The following HDAC9 variants were observed in gnomAD, a reference collection of about 807,000 sequenced individuals.
The protein encoded by HDAC9 is MEF-2 interacting transcription repressor (MITR) protein.
Under a neutral mutation model 139.4 loss-of-function variants are expected in HDAC9, and 41 were observed. The ratio of observed to expected loss-of-function variants is 0.29; its 90% CI spans 0.23 to 0.38. The LOEUF (loss-of-function observed/expected upper bound fraction) is 0.38. Among genes scored for constraint, HDAC9 ranks in the 10% least tolerant of loss-of-function variants. HDAC9 has a pLI of 1.00. For missense variants in HDAC9, 1,147 were observed against 1,297.0 expected (o/e 0.88, Z 1.78); for synonymous variants, 517 against 476.2 (o/e 1.09, Z -1.12).
At chr7:18,872,179 A>G (rs1798970290) in intron 21 of HDAC9, among the ~76,000 whole-genome samples, 1 of 152,172 alleles carries the variant, frequency 6.6e-6, no homozygotes, top group Admixed American at 6.5e-5. Context: ...AAAGGATTCT[A>G]TCAGGTGATG....
chr7:18,622,744 T>C (rs995336046), intron 6 of HDAC9, among the ~76,000 whole-genome samples: 3 of 152,188 alleles, frequency 2.0e-5, no homozygotes, highest in Non-Finnish European at 4.4e-5. Flanking sequence ...TTTTTCCTTA[T>C]GATAATTTTC....
At chr7:18,673,206 G>C (rs565318408) in intron 12 of HDAC9, among the ~76,000 whole-genome samples, 2 of 151,992 alleles carry the variant, frequency 1.3e-5, no homozygotes, top group Non-Finnish European at 2.9e-5. Context: ...TTGAGCCCAC[G>C]AGTTTGAGGC....
intron 17 of HDAC9, among the ~76,000 whole-genome samples, chr7:18,798,113 A>AC (rs949731703): frequency 6.6e-6 from 1 of 152,098 alleles, no homozygotes; most frequent in African/African-American, 2.4e-5. Context: ...CTATATGAAC[A>AC]CCCTTGAACA....
intron 21 of HDAC9, among the ~76,000 whole-genome samples, chr7:18,857,779 A>C (rs1797800396): frequency 1.3e-5 from 2 of 152,008 alleles, no homozygotes; most frequent in African/African-American, 4.8e-5. Flanking sequence ...TAAATTAATA[A>C]ATGAAAAAAT....
intron 1 of HDAC9, among the ~76,000 whole-genome samples, chr7:18,363,845 A>G (rs1783973049): frequency 2.0e-5 from 3 of 152,140 alleles, no homozygotes; most frequent in Admixed American, 2.0e-4. Flanking sequence ...ATTTGGTCCA[A>G]TGACTTGCAT....
chr7:18,750,024 A>T (rs1172668417), intron 14 of HDAC9, among the ~76,000 whole-genome samples: 1 of 152,220 alleles, frequency 6.6e-6, no homozygotes, highest in Non-Finnish European at 1.5e-5. Context: ...AAATGTAGTC[A>T]ACAAAATTCC....
At chr7:18,930,316 A>C (rs1392559344) in intron 22 of HDAC9, among the ~76,000 whole-genome samples, 1 of 152,048 alleles carries the variant, frequency 6.6e-6, no homozygotes, top group African/African-American at 2.4e-5. Context: ...AAATTTTTCA[A>C]CTCTGAAGGT....
chr7:18,879,227 G>T (rs531305906), intron 22 of HDAC9, among the ~76,000 whole-genome samples: 1 of 151,878 alleles, frequency 6.6e-6, no homozygotes, highest in South Asian at 2.1e-4. Flanking sequence ...TAAAATGGCC[G>T]CACTGCCCAA....
At chr7:18,662,142 T>C (rs1793367528) in intron 11 of HDAC9, among the ~76,000 whole-genome samples, 2 of 152,132 alleles carry the variant, frequency 1.3e-5, no homozygotes, top group African/African-American at 4.8e-5. Flanking sequence ...TTGGCTGCAG[T>C]GGTAATACCA....
At chr7:18,343,467 G>A (rs182194777) in intron 1 of HDAC9, among the ~76,000 whole-genome samples, 3 of 151,946 alleles carry the variant, frequency 2.0e-5, no homozygotes, top group Non-Finnish European at 2.9e-5. Flanking sequence ...ATAGAATTCA[G>A]ATTATCTACA....
At chr7:18,131,169 A>C (rs1355897042) in intron 1 of HDAC9, among the ~76,000 whole-genome samples, 1 of 152,170 alleles carries the variant, frequency 6.6e-6, no homozygotes, top group Non-Finnish European at 1.5e-5. Context: ...CTTCGTCAGC[A>C]TACATTTTGA....
intron 12 of HDAC9, among the ~76,000 whole-genome samples, chr7:18,719,565 C>T (rs1318766408): frequency 1.3e-5 from 2 of 152,092 alleles, no homozygotes; most frequent in East Asian, 1.9e-4. Flanking sequence ...GTCTTGAACT[C>T]CTGACCTCAG....
intron 1 of HDAC9, among the ~76,000 whole-genome samples, chr7:18,121,050 T>G (rs201421467): frequency 2.0e-5 from 3 of 152,182 alleles, no homozygotes; most frequent in Admixed American, 2.0e-4. Context: ...GAGAAAACTG[T>G]GTTTTACTTA....
At chr7:18,378,917 T>C (rs1183888550) in intron 1 of HDAC9, among the ~76,000 whole-genome samples, 2 of 152,300 alleles carry the variant, frequency 1.3e-5, no homozygotes, top group East Asian at 3.9e-4. Flanking sequence ...TTTTATCTAA[T>C]GTTGTAATTG....
At chr7:18,430,232 A>T (rs1166994821) in intron 1 of HDAC9, among the ~76,000 whole-genome samples, 1 of 151,762 alleles carries the variant, frequency 6.6e-6, no homozygotes, top group Non-Finnish European at 1.5e-5. Flanking sequence ...TAATTGAATG[A>T]TTTTTTTTGG....
chr7:18,855,363 A>C (rs1223897576), intron 21 of HDAC9, among the ~76,000 whole-genome samples: 2 of 152,132 alleles, frequency 1.3e-5, no homozygotes, highest in African/African-American at 2.4e-5. Flanking sequence ...ACATAAATGC[A>C]CATTTCCTCT....
rs79726154 is a variant in HDAC9 at position 18,836,340 on chromosome 7, T to C, written c.2684+343T>C. Among the ~76,000 whole-genome samples the C allele has an allele frequency of 7.4e-4, 113 of 152,334 alleles. No homozygotes were observed. The East Asian group carries it at 0.019, about 25-fold the overall frequency. Reference sequence around the variant, plus strand: ...GCCCTGAGAAGTCCTTCATTACCTATTTGATTTTGTTGAACAAGCATTTCT... The same window carrying C: ...GCCCTGAGAAGTCCTTCATTACCTACTTGATTTTGTTGAACAAGCATTTCT... On this transcript the variant is annotated intron_variant, in intron 21 of 25. Transcript: ENST00000686413.
At chr7:18,190,599 AAAT>A (rs1790278336) in intron 2 of HDAC9, among the ~76,000 whole-genome samples, 2 of 152,230 alleles carry the variant, frequency 1.3e-5, no homozygotes, top group Admixed American at 1.3e-4. Flanking sequence ...TGCAAGAGGA[AAAT>A]AATGACCAGA....
chr7:18,340,527 T>C (rs1220284246), intron 1 of HDAC9, among the ~76,000 whole-genome samples: 1 of 151,622 alleles, frequency 6.6e-6, no homozygotes, highest in African/African-American at 2.4e-5. Flanking sequence ...TCTACAACTC[T>C]TAGTTTTGTT....
Sources: allele counts gnomAD v4.1 joint callset (sites outside exome capture counted in the v4.1 genomes callset), GRCh38; gene constraint gnomAD v4.1.1; transcripts MANE v1.5; gene names NCBI Gene and HGNC (gene_info 2026-07-23, HGNC 2026-07-21).